ITGAE: variants seen among roughly 807,000 people sequenced by gnomAD.
ITGAE encodes the protein integrin subunit alpha E.
A neutral mutation model predicts 136.5 loss-of-function variants in ITGAE; 99 were observed. The observed-to-expected ratio is 0.73, with a 90% CI of 0.62 to 0.86. The LOEUF is 0.86. Among genes scored for constraint, ITGAE ranks in the 40% least tolerant of loss-of-function variants. The probability of loss-of-function intolerance (pLI) is 0.00; values close to 1 mark genes in which losing one functional copy is unlikely to be tolerated. For synonymous variants in ITGAE, 613 were observed against 591.8 expected (o/e 1.04, Z -0.52); for missense variants, 1,447 against 1,515.3 (o/e 0.95, Z 0.75).
chr17:3,772,218 C>A (rs80167855), intron 2 of ITGAE, among the ~76,000 whole-genome samples: 13 of 152,244 alleles, frequency 8.5e-5, no homozygotes, highest in East Asian at 1.9e-4. Context: ...CTCGATGCGC[C>A]CCCCCGTACC....
chr17:3,724,190 C>T (rs1408653573), intron 26 of ITGAE: 2 of 1,592,146 alleles, frequency 1.3e-6, no homozygotes, highest in Non-Finnish European at 1.7e-6. Context: ...GTCCCGGCGG[C>T]CGAGTGCCCA....
rs1320435824 is a variant in ITGAE at position 3,759,388 on chromosome 17, G to GC, written c.866+13dup. 1 of 1,609,832 alleles carries GC rather than the reference G, an allele frequency of 6.2e-7. No individual in the cohort carries two copies. The highest frequency in any genetic ancestry group is 1.3e-5 in the African/African-American group (1 of 74,820). On this transcript the variant is annotated intron_variant, in intron 8 of 30. Coordinates refer to ENST00000263087, the MANE Select transcript of ITGAE (RefSeq NM_002208.5). Reference sequence around the variant, plus strand: ...GGGCATGGCCAGAATAATTCCTGCAGCCCCCACACTCACAAGACGTGTTGC... The same window carrying GC: ...GGGCATGGCCAGAATAATTCCTGCAGCCCCCCACACTCACAAGACGTGTTGC...
At chr17:3,782,650 C>T (rs1039660395) in intron 1 of ITGAE, among the ~76,000 whole-genome samples, 2 of 152,076 alleles carry the variant, frequency 1.3e-5, no homozygotes, top group Non-Finnish European at 2.9e-5. Context: ...TGAGCCACTG[C>T]TCCCATCTCT....
chr17:3,731,263 G>C (rs1452066433), intron 22 of ITGAE, 80 bp from the exon 23 acceptor site: 1 of 976,924 alleles, frequency 1.0e-6, no homozygotes, highest in African/African-American at 1.6e-5. Flanking sequence ...TCGTGGAACA[G>C]ACCTAGGAGA....
chr17:3,777,249 C>A (rs1051968371), intron 2 of ITGAE, among the ~76,000 whole-genome samples: 1 of 152,222 alleles, frequency 6.6e-6, no homozygotes, highest in Non-Finnish European at 1.5e-5. Flanking sequence ...GCGTGAGCCA[C>A]CGTGCCCGGC....
At chr17:3,719,779 G>A (rs1373424719) in intron 29 of ITGAE, among the ~76,000 whole-genome samples, 1 of 151,922 alleles carries the variant, frequency 6.6e-6, no homozygotes, top group East Asian at 1.9e-4. Context: ...TGAGGCTGGA[G>A]TGGAGTGGTG....
At chr17:3,789,051 A>T (rs1365890336) in intron 1 of ITGAE, among the ~76,000 whole-genome samples, 1 of 151,636 alleles carries the variant, frequency 6.6e-6, no homozygotes, top group Non-Finnish European at 1.5e-5. Context: ...CTCAAGACCA[A>T]CCTGGGCAAT....
rs201136101 is a variant in ITGAE, at chr17:3,716,741, C to T, written c.3391G>A (p.Gly1131Ser). ...KYHSLPIIIK[G>S]SVGGLLVLIV... is the part of the protein sequence containing the mutation. ...AACACCAGAAGTCCACCAACGCTGCCTTTAATGATGATAGGCAAAGAATGG... is the reference window on the plus strand; with the variant it reads ...AACACCAGAAGTCCACCAACGCTGCTTTTAATGATGATAGGCAAAGAATGG... Residue 1131 changes from glycine (G) to serine (S), a missense_variant, in exon 30 of 31, where the codon GGC (glycine) becomes AGC (serine). Coordinates refer to ENST00000263087, the MANE Select transcript of ITGAE (RefSeq NM_002208.5). The T allele has an allele frequency of 5.6e-6, 9 of 1,612,484 alleles. No homozygotes were observed. The highest frequency in any genetic ancestry group is 1.3e-5 in the African/African-American group (1 of 74,882).
At chr17:3,773,136 A>G (rs1186913300) in intron 2 of ITGAE, among the ~76,000 whole-genome samples, 1 of 152,150 alleles carries the variant, frequency 6.6e-6, no homozygotes, top group Non-Finnish European at 1.5e-5. Context: ...CTTGGGCTTA[A>G]TTTGCTAGAG....
chr17:3,750,377 T>C lies in ITGAE; in HGVS notation c.1999A>G (p.Thr667Ala), dbSNP rs1196748459. 2 of 1,614,022 alleles carry C rather than the reference T, an allele frequency of 1.2e-6. No individual in the cohort carries two copies. Among genetic ancestry groups the C allele is most frequent in the East Asian group, 2.2e-5 (1 of 44,854 alleles). The change falls in exon 16 of 31, where the codon ACT (threonine) becomes GCT (alanine). Residue 667 changes from threonine (T) to alanine (A), a missense_variant. By Grantham distance (58) the Thr-to-Ala change is moderately conservative. Coordinates refer to ENST00000263087, the MANE Select transcript of ITGAE (RefSeq NM_002208.5). ...GDGLADITVG[T>A]LGQAVVFRSR... ...CGGAACACAACCGCCTGGCCCAGAGTGCCCACGGTGATGTCGGCAAGGCCG... is the reference window on the plus strand; with the variant it reads ...CGGAACACAACCGCCTGGCCCAGAGCGCCCACGGTGATGTCGGCAAGGCCG...
At chr17:3,746,958 G>A (rs148031057) in intron 17 of ITGAE, among the ~76,000 whole-genome samples, 2 of 152,322 alleles carry the variant, frequency 1.3e-5, no homozygotes, top group African/African-American at 4.8e-5. Context: ...CCCACCCCAG[G>A]AGACTGCTCT....
chr17:3,765,293 G>A (rs1567543866), intron 2 of ITGAE, among the ~76,000 whole-genome samples: 1 of 138,380 alleles, frequency 7.2e-6, no homozygotes, highest in Non-Finnish European at 1.5e-5. Flanking sequence ...AGGTTGCAGT[G>A]AGCCGAGATC....
intron 29 of ITGAE, chr17:3,717,969 A>G (rs1217287012): frequency 6.6e-6 from 1 of 152,228 alleles, no homozygotes; most frequent in East Asian, 1.9e-4. Context: ...AGTAGAAGAA[A>G]TGTCCCTATT....
chr17:3,749,091 A>C (rs1351627003), intron 16 of ITGAE, among the ~76,000 whole-genome samples: 1 of 151,522 alleles, frequency 6.6e-6, no homozygotes, highest in Non-Finnish European at 1.5e-5. Flanking sequence ...GCCAACTAAG[A>C]CTTGTTGATG....
intron 3 of ITGAE, 108 bp downstream of exon 3, chr17:3,763,761 G>T (rs1166929151): frequency 1.2e-6 from 1 of 865,632 alleles, no homozygotes. Context: ...AGGGGTGAAC[G>T]GGCTGGATGA....
At chr17:3,732,538 C>T (rs2051369562) in intron 21 of ITGAE, 72 bp from the exon 22 acceptor site, 1 of 1,268,924 alleles carries the variant, frequency 7.9e-7, no homozygotes, top group East Asian at 2.3e-5. Context: ...TTCCTCACAG[C>T]AATTCAGCAA....
At chr17:3,796,128 T>TGC (rs1277835080) in intron 1 of ITGAE, among the ~76,000 whole-genome samples, 3 of 123,572 alleles carry the variant, frequency 2.4e-5, no homozygotes, top group Admixed American at 8.3e-5. Flanking sequence ...TCCCTGTGTG[T>TGC]GCATCCATGT....
intron 1 of ITGAE, among the ~76,000 whole-genome samples, chr17:3,792,971 GC>G (rs1337594737): frequency 6.6e-6 from 1 of 152,146 alleles, no homozygotes; most frequent in Non-Finnish European, 1.5e-5. Context: ...CCCTGCCAAT[GC>G]CCCAAAGTAG....
chr17:3,797,824 A>G (rs1348227762), intron 1 of ITGAE, among the ~76,000 whole-genome samples: 1 of 152,152 alleles, frequency 6.6e-6, no homozygotes, highest in Non-Finnish European at 1.5e-5. Context: ...CAACAGCCGC[A>G]GATGGGGCCA....
Sources: allele counts gnomAD v4.1 joint callset (sites outside exome capture counted in the v4.1 genomes callset), GRCh38; gene constraint gnomAD v4.1.1; transcripts MANE v1.5; gene names NCBI Gene and HGNC (gene_info 2026-07-23, HGNC 2026-07-21).